Variants in RBBP8NL observed in about 807,000 individuals in gnomAD.
RBBP8NL encodes the protein RBBP8 N-terminal-like protein.
RBBP8NL carries 59 observed loss-of-function variants against 62.2 expected under a neutral mutation model. The ratio of observed to expected loss-of-function variants is 0.95; its 90% CI spans 0.77 to 1.18. The LOEUF is 1.18. Among genes scored for constraint, RBBP8NL ranks in the 50% most tolerant of loss-of-function variants. RBBP8NL has a pLI of 0.00. For missense variants in RBBP8NL, 896 were observed against 899.5 expected, an observed-to-expected ratio of 1.00 and a Z score of 0.05; for synonymous variants, 412 against 394.1, an observed-to-expected ratio of 1.05 and a Z score of -0.54.
intron 13 of RBBP8NL, among the ~76,000 whole-genome samples, chr20:62,411,265 G>A (rs1304563080): frequency 1.3e-5 from 2 of 152,228 alleles, no homozygotes; most frequent in East Asian, 3.9e-4. Flanking sequence ...CCCCCTTCCT[G>A]CCTTGGAGGG....
intron 1 of RBBP8NL, among the ~76,000 whole-genome samples, chr20:62,425,627 T>G (rs1297013272): frequency 2.0e-5 from 3 of 152,226 alleles, no homozygotes; most frequent in Non-Finnish European, 4.4e-5. Context: ...GCAGGAGGCA[T>G]CCGGGGCATC....
intron 1 of RBBP8NL, among the ~76,000 whole-genome samples, chr20:62,420,108 T>C (rs1988666778): frequency 6.6e-6 from 1 of 152,052 alleles, no homozygotes; most frequent in Admixed American, 6.5e-5. Flanking sequence ...GGCACCTCAA[T>C]GGAGGGACAG....
At chr20:62,421,400 T>C (rs959119294) in intron 1 of RBBP8NL, among the ~76,000 whole-genome samples, 8 of 124,774 alleles carry the variant, frequency 6.4e-5, no homozygotes, top group African/African-American at 2.7e-4. Flanking sequence ...CAAGTCAGTG[T>C]GCGTGAGTGT....
chr20:62,413,644 C>A, intron 10 of RBBP8NL, 99 bp from the exon 11 acceptor site: 1 of 1,430,710 alleles, frequency 7.0e-7, no homozygotes, highest in Non-Finnish European at 9.3e-7. Context: ...GAGGCTGCAG[C>A]TGGTGGAGGG....
chr20:62,415,469 T>G, intron 8 of RBBP8NL, 109 bp downstream of exon 8: 1 of 1,411,610 alleles, frequency 7.1e-7, no homozygotes, highest in Non-Finnish European at 9.9e-7. Flanking sequence ...GAGGGGCACA[T>G]TCAGGGTTAG....
intron 1 of RBBP8NL, among the ~76,000 whole-genome samples, chr20:62,426,159 G>C (rs1314796932): frequency 2.0e-5 from 3 of 151,672 alleles, no homozygotes; most frequent in African/African-American, 7.3e-5. Context: ...CAGTGGCAGT[G>C]GTGACAGTGG....
Position 62,419,736 on chromosome 20 carries a change from G to C in RBBP8NL, c.-83-6C>G. On this transcript the variant is annotated splice_polypyrimidine_tract_variant and splice_region_variant and intron_variant, in intron 1 of 13. Transcript: ENST00000252998. ...ACTGCCCCTCTGTGTCCATCCTGAA[G>C]AGGAGGAAGAGGGGACAGGGATCCG... 2.1e-6 allele frequency: 3 copies of C among 1,401,974 alleles called. No homozygotes were observed. The highest frequency in any genetic ancestry group is 1.4e-5 in the African/African-American group (1 of 70,186). The allele number at this position is 1,401,974 out of a possible 1,614,324, so 86.8% of individuals were successfully genotyped here.
At chr20:62,419,463 G>T in intron 2 of RBBP8NL, 124 bp downstream of exon 2, 1 of 1,018,628 alleles carries the variant, frequency 9.8e-7, no homozygotes, top group South Asian at 1.5e-5. Context: ...CCAAAAAGAC[G>T]GGGTCCATTC....
intron 7 of RBBP8NL, 62 bp downstream of exon 7, chr20:62,415,725 AG>A (rs936243239): frequency 6.2e-7 from 1 of 1,609,352 alleles, no homozygotes. Flanking sequence ...GCCCAGCCCC[AG>A]GGGGAGGATC....
chr20:62,419,372 C>A (rs1337780608), intron 2 of RBBP8NL, among the ~76,000 whole-genome samples: 1 of 152,162 alleles, frequency 6.6e-6, no homozygotes, highest in East Asian at 1.9e-4. Flanking sequence ...GACATCCCCG[C>A]TTGAGGTCAG....
At position 62,410,881 on chromosome 20, in the gene RBBP8NL, G is replaced by A. The variant is rs1003391158; in HGVS notation, c.1992C>T (p.Thr664=). Residue 664 remains threonine, a synonymous_variant, in exon 14 of 14, where the codon ACC becomes ACT. Coordinates refer to ENST00000252998, the MANE Select transcript of RBBP8NL (RefSeq NM_080833.3). Reference sequence around the variant, plus strand: ...TGTGGACCCTGGTGCAGGCTGGCTAGGTCTCCTCCCAGGGGCTGCTGTTGG... The same window carrying A: ...TGTGGACCCTGGTGCAGGCTGGCTAAGTCTCCTCCCAGGGGCTGCTGTTGG... ...PSPNSSPWEE[T] is the part of the protein sequence containing the mutation. 6.2e-7 allele frequency: 1 copy of A among 1,608,414 alleles called. No individual in the cohort carries two copies. Among genetic ancestry groups the A allele is most frequent in the African/African-American group, 1.3e-5 (1 of 74,968 alleles).
intron 11 of RBBP8NL, 44 bp from the exon 12 acceptor site, chr20:62,412,944 G>A (rs757907043): frequency 1.2e-5 from 20 of 1,604,102 alleles, no homozygotes; most frequent in Middle Eastern, 1.6e-4. Flanking sequence ...TGGTGGCACC[G>A]GGAGTCTCCC....
rs186046047 is a variant in RBBP8NL, at chr20:62,411,491, G to A, written c.1877-495C>T. Among the ~76,000 whole-genome samples the A allele has an allele frequency of 2.0e-5, 3 of 152,348 alleles. No individual in the cohort carries two copies. In the East Asian group the frequency reaches 5.8e-4, roughly 29 times the overall value. On this transcript the variant is annotated intron_variant, in intron 13 of 13. Transcript: ENST00000252998. ...ATCCTGACACAAGTCCCAGACCTGT[G>A]ACCTTGGGCAAGTGACCTCTCCCCT...
intron 1 of RBBP8NL, among the ~76,000 whole-genome samples, chr20:62,426,030 AGCAGTGGCAGTG>A (rs1007726075): frequency 2.8e-5 from 4 of 142,178 alleles, no homozygotes; most frequent in Non-Finnish European, 6.0e-5. Flanking sequence ...CAGTGGCATT[AGCAGTGGCAGTG>A]GCAGTGGTAG....
intron 8 of RBBP8NL, 90 bp from the exon 9 acceptor site, chr20:62,415,377 C>A: frequency 6.9e-7 from 1 of 1,449,294 alleles, no homozygotes; most frequent in Non-Finnish European, 9.2e-7. Context: ...CCCTGGGCTG[C>A]TCCCACTCTG....
chr20:62,417,982 G>A (rs1431166580), intron 3 of RBBP8NL, among the ~76,000 whole-genome samples: 13 of 83,318 alleles, frequency 1.6e-4, no homozygotes, highest in Admixed American at 2.6e-4. Flanking sequence ...TCCACACACC[G>A]CCCCCCCTGT....
intron 1 of RBBP8NL, among the ~76,000 whole-genome samples, chr20:62,422,978 G>T (rs1045430180): frequency 2.6e-5 from 4 of 152,074 alleles, no homozygotes; most frequent in Non-Finnish European, 5.9e-5. Flanking sequence ...GCGGCTCTGT[G>T]TTGGGTGGGT....
In RBBP8NL at chr20:62,419,725, TC is replaced by T; in HGVS notation, c.-79del. The T allele has an allele frequency of 1.3e-6, 2 of 1,500,710 alleles. No homozygotes were observed. Among genetic ancestry groups the T allele is most frequent in the Non-Finnish European group, 1.8e-6 (2 of 1,086,868 alleles). 93.0% of individuals were successfully genotyped at this position (1,500,710 alleles called of 1,614,324 possible). On this transcript the variant is annotated 5_prime_UTR_variant, in exon 2 of 14. An upstream open reading frame in the 5' UTR loses its in-frame stop. Coordinates refer to ENST00000252998, the MANE Select transcript of RBBP8NL (RefSeq NM_080833.3). ...CTGCAGCCTCTACTGCCCCTCTGTG[TC>T]CATCCTGAAGAGGAGGAAGAGGGGA...
rs145829712 is a variant in RBBP8NL, at chr20:62,419,839, C to T, written c.-83-109G>A. 5.3e-4 allele frequency: 316 copies of T among 599,444 alleles called. 1 individual carries two copies. Among genetic ancestry groups the T allele is most frequent in the Middle Eastern group, 1.3e-3 (3 of 2,290 alleles). 37.1% of individuals were successfully genotyped at this position (599,444 alleles called of 1,614,324 possible). On this transcript the variant is annotated intron_variant, in intron 1 of 13. Coordinates refer to ENST00000252998, the MANE Select transcript of RBBP8NL (RefSeq NM_080833.3). ...TGTCTGTATGGAGCAGACCCCATGC[C>T]ATGCTGTAGGGGCTACTCATGGGAG...
Sources: gnomAD v4.1 joint callset for allele counts (sites outside exome capture counted in the v4.1 genomes callset) on GRCh38, gnomAD v4.1.1 for gene constraint, MANE v1.5 for transcripts, NCBI Gene and HGNC (gene_info 2026-07-23, HGNC 2026-07-21) for gene names.